Variants in PTPRT observed in about 807,000 individuals in gnomAD.
PTPRT encodes receptor-type tyrosine-protein phosphatase T.
In PTPRT, 56 loss-of-function variants were observed where a neutral mutation model predicts 176.8. The ratio of observed to expected loss-of-function variants is 0.32; its 90% CI spans 0.26 to 0.40. The LOEUF is 0.40. Among genes scored for constraint, PTPRT ranks in the 10% least tolerant of loss-of-function variants. The pLI is 1.00. For missense variants in PTPRT, 1,540 were observed against 1,908.2 expected, an observed-to-expected ratio of 0.81 and a Z score of 3.60; for synonymous variants, 783 against 739.0, an observed-to-expected ratio of 1.06 and a Z score of -0.96.
the PTPRT span, among the ~76,000 whole-genome samples, chr20:42,066,708 A>G: frequency 5.3e-5 from 8 of 152,298 alleles, no homozygotes; most frequent in Middle Eastern, 3.4e-3. Flanking sequence ...TCTTGAGCCA[A>G]TTTTGATAAT....
intron 2 of PTPRT, among the ~76,000 whole-genome samples, chr20:42,827,169 A>T (rs1389386642): frequency 6.6e-6 from 1 of 152,210 alleles, no homozygotes; most frequent in Non-Finnish European, 1.5e-5. Flanking sequence ...TAACAAAATT[A>T]TCTAGGACTT....
In PTPRT at chr20:43,174,040, T is replaced by C. The variant is rs118096239; in HGVS notation, c.88+15606A>G. Among the ~76,000 whole-genome samples, 187 of 152,328 alleles carry C rather than the reference T, an allele frequency of 1.2e-3. No individual in the cohort carries two copies. The Middle Eastern group carries it at 0.02, about 17-fold the overall frequency. On this transcript the variant is annotated intron_variant, in intron 1 of 30. Transcript: ENST00000373187. ...GGATCATTATGAGAATTAAATGCAG[T>C]CTTAGAATTTCCCCAAAGACATGCT...
chr20:42,239,501 CA>C (rs2056311732), intron 14 of PTPRT, among the ~76,000 whole-genome samples: 2 of 144,802 alleles, frequency 1.4e-5, no homozygotes, highest in African/African-American at 5.2e-5. Context: ...CGGCTCACTG[CA>C]AGCTCCACCT....
At chr20:42,398,649 G>A (rs2058875163) in intron 9 of PTPRT, among the ~76,000 whole-genome samples, 1 of 151,996 alleles carries the variant, frequency 6.6e-6, no homozygotes, top group Non-Finnish European at 1.5e-5. Context: ...CTGGAAGGAA[G>A]TCATCTTTAA....
At chr20:42,267,076 CT>C (rs2056851258) in intron 13 of PTPRT, among the ~76,000 whole-genome samples, 1 of 152,110 alleles carries the variant, frequency 6.6e-6, no homozygotes, top group Non-Finnish European at 1.5e-5. Flanking sequence ...GCTTAAGATT[CT>C]TTGACTTTAC....
rs141178527 is a variant in PTPRT, at chr20:42,434,578, G to T, written c.1560+13642C>A. On this transcript the variant is annotated intron_variant, in intron 9 of 30. Coordinates refer to ENST00000373187, the MANE Select transcript of PTPRT (RefSeq NM_007050.6). ...ATAAGGTCATATATATGGACTAATG[G>T]ATGCTAAGAGATACTTCTGTTACTC... Among the ~76,000 whole-genome samples the T allele has an allele frequency of 4.4e-3, 665 of 150,812 alleles. 5 individuals are homozygous for T. The highest frequency in any genetic ancestry group is 0.016 in the African/African-American group (641 of 41,008).
chr20:42,597,482 G>A (rs2073692058), intron 7 of PTPRT, among the ~76,000 whole-genome samples: 1 of 152,156 alleles, frequency 6.6e-6, no homozygotes, highest in Non-Finnish European at 1.5e-5. Flanking sequence ...CTGGATCATG[G>A]AGGCAGAGTT....
intron 16 of PTPRT, among the ~76,000 whole-genome samples, chr20:42,174,223 G>T (rs1421662631): frequency 6.6e-6 from 1 of 151,894 alleles, no homozygotes; most frequent in Non-Finnish European, 1.5e-5. Context: ...AACATGTCTT[G>T]GTCAGTAAGT....
At chr20:42,838,265 G>T (rs2078216721) in intron 2 of PTPRT, among the ~76,000 whole-genome samples, 3 of 152,138 alleles carry the variant, frequency 2.0e-5, no homozygotes, top group African/African-American at 7.2e-5. Context: ...TGATCCATCC[G>T]CCTCAGCCTC....
At chr20:42,921,375 T>G (rs1017411711) in intron 1 of PTPRT, among the ~76,000 whole-genome samples, 2 of 152,220 alleles carry the variant, frequency 1.3e-5, no homozygotes, top group East Asian at 3.9e-4. Flanking sequence ...TTCCACACAG[T>G]GAGATCTCTA....
At position 42,130,978 on chromosome 20, in the gene PTPRT, C is replaced by A. The variant is rs986798836; in HGVS notation, c.2771-2148G>T. 1.1e-4 allele frequency among the ~76,000 whole-genome samples: 17 copies of A among 152,134 alleles called. 1 individual carries two copies. Among genetic ancestry groups the A allele is most frequent in the African/African-American group, 4.1e-4 (17 of 41,412 alleles). ...GAATGATATGGTATTATGAGTCTTCCCATTTTACAGATGAAGACACTGAGG... is the reference window on the plus strand; with the variant it reads ...GAATGATATGGTATTATGAGTCTTCACATTTTACAGATGAAGACACTGAGG... On this transcript the variant is annotated intron_variant, in intron 18 of 30. Transcript: ENST00000373187.
chr20:42,806,871 G>T (rs1036596758), intron 2 of PTPRT, among the ~76,000 whole-genome samples: 1 of 152,168 alleles, frequency 6.6e-6, no homozygotes, highest in Non-Finnish European at 1.5e-5. Flanking sequence ...GACAGGGGTT[G>T]GATCCTCTCT....
chr20:42,589,409 A>G (rs2073529683), intron 7 of PTPRT, among the ~76,000 whole-genome samples: 1 of 152,230 alleles, frequency 6.6e-6, no homozygotes, highest in South Asian at 2.1e-4. Context: ...CCGTTCTTCA[A>G]TTTGTGTGCC....
At chr20:42,472,591 G>A (rs900691810) in intron 7 of PTPRT, 29 bp from the exon 8 acceptor site, 1 of 1,602,096 alleles carries the variant, frequency 6.2e-7, no homozygotes, top group Non-Finnish European at 8.5e-7. Context: ...AGAAACAAGG[G>A]TTCTGAAGAG....
At chr20:42,104,076 T>G (rs575973518) in intron 25 of PTPRT, among the ~76,000 whole-genome samples, 1 of 152,356 alleles carries the variant, frequency 6.6e-6, no homozygotes, top group South Asian at 2.1e-4. Context: ...TGTCGTAATC[T>G]TAGCCCCCAA....
chr20:42,768,303 C>A (rs2077014199), intron 5 of PTPRT, among the ~76,000 whole-genome samples: 1 of 152,028 alleles, frequency 6.6e-6, no homozygotes, highest in Non-Finnish European at 1.5e-5. Flanking sequence ...GCCTCTTGCC[C>A]ACTTCACCCC....
intron 1 of PTPRT, among the ~76,000 whole-genome samples, chr20:43,166,249 C>T (rs935334362): frequency 2.0e-5 from 3 of 151,926 alleles, no homozygotes; most frequent in African/African-American, 7.3e-5. Flanking sequence ...ATCACTTGAA[C>T]CCAGGAGGCA....
intron 10 of PTPRT, 80 bp downstream of exon 10, chr20:42,352,004 A>G: frequency 7.1e-7 from 1 of 1,406,116 alleles, no homozygotes; most frequent in Non-Finnish European, 9.9e-7. Context: ...TGACAATTCA[A>G]GAAAAATTTC....
intron 1 of PTPRT, among the ~76,000 whole-genome samples, chr20:43,167,955 C>A (rs1218138580): frequency 6.6e-6 from 1 of 152,216 alleles, no homozygotes; most frequent in African/African-American, 2.4e-5. Context: ...AAGCTGTGCT[C>A]AGAGACTACT....
Sources: gnomAD v4.1 joint callset for allele counts (sites outside exome capture counted in the v4.1 genomes callset) on GRCh38, gnomAD v4.1.1 for gene constraint, MANE v1.5 for transcripts, NCBI Gene and HGNC (gene_info 2026-07-23, HGNC 2026-07-21) for gene names.